RAP1GDS1: variants seen among roughly 807,000 people sequenced by gnomAD.
RAP1GDS1 encodes Rap1 GTPase-GDP dissociation stimulator 1.
Under a neutral mutation model 71.1 loss-of-function variants are expected in RAP1GDS1, and 35 were observed. The observed-to-expected ratio is 0.49, with a 90% CI of 0.38 to 0.65. RAP1GDS1 has a LOEUF of 0.65. Among genes scored for constraint, RAP1GDS1 ranks in the 30% least tolerant of loss-of-function variants. RAP1GDS1 has a pLI of 0.00. For synonymous variants in RAP1GDS1, 229 were observed against 243.1 expected (o/e 0.94, Z 0.54); for missense variants, 663 against 706.1 (o/e 0.94, Z 0.69).
chr4:98,323,336 C>A (rs1187398947), intron 2 of RAP1GDS1, among the ~76,000 whole-genome samples: 1 of 143,382 alleles, frequency 7.0e-6, no homozygotes, highest in Non-Finnish European at 1.5e-5. Context: ...CGAATTCTAC[C>A]AGAGGTACAA....
At chr4:98,385,831 T>C (rs528017114) in intron 5 of RAP1GDS1, among the ~76,000 whole-genome samples, 1 of 152,076 alleles carries the variant, frequency 6.6e-6, no homozygotes, top group South Asian at 2.1e-4. Flanking sequence ...ATATATTCTT[T>C]TGTAAAAGAA....
intron 12 of RAP1GDS1, among the ~76,000 whole-genome samples, chr4:98,430,202 G>A (rs1358345296): frequency 6.6e-6 from 1 of 152,068 alleles, no homozygotes; most frequent in African/African-American, 2.4e-5. Context: ...AGGTGGATGG[G>A]GGTGTGTGTA....
chr4:98,291,573 T>C (rs72892376), intron 1 of RAP1GDS1, among the ~76,000 whole-genome samples: 3 of 152,186 alleles, frequency 2.0e-5, no homozygotes, highest in Admixed American at 6.6e-5. Flanking sequence ...ACTGGAGATA[T>C]AAGCATATGA....
At chr4:98,282,733 T>C (rs1319721182) in intron 1 of RAP1GDS1, among the ~76,000 whole-genome samples, 1 of 152,206 alleles carries the variant, frequency 6.6e-6, no homozygotes, top group African/African-American at 2.4e-5. Context: ...TTTAGATCTT[T>C]CCTGCTTTCC....
intron 7 of RAP1GDS1, chr4:98,409,901 G>A (rs1247017930): frequency 1.8e-5 from 3 of 162,266 alleles, no homozygotes; most frequent in Non-Finnish European, 4.0e-5. Context: ...ATATCATCAT[G>A]GCCTTGAAAT....
At chr4:98,323,058 A>G (rs138901924) in intron 2 of RAP1GDS1, among the ~76,000 whole-genome samples, 8,825 of 151,974 alleles carry the variant, frequency 0.058, 364 homozygotes, top group South Asian at 0.22. Flanking sequence ...GAGAAGAATC[A>G]AGTAGACACA....
At chr4:98,279,115 T>C (rs186572884) in intron 1 of RAP1GDS1, among the ~76,000 whole-genome samples, 301 of 152,046 alleles carry the variant, frequency 2.0e-3, no homozygotes, top group African/African-American at 7.1e-3. Context: ...TCCCAGCTAC[T>C]TGGGAGGCTG....
chr4:98,394,781 C>T (rs1239209922), intron 6 of RAP1GDS1, among the ~76,000 whole-genome samples: 5 of 152,096 alleles, frequency 3.3e-5, no homozygotes, highest in Non-Finnish European at 5.9e-5. Flanking sequence ...ATAACTCTTG[C>T]TGTGTGTTTA....
intron 6 of RAP1GDS1, among the ~76,000 whole-genome samples, chr4:98,393,929 G>T (rs1744122071): frequency 6.6e-6 from 1 of 151,888 alleles, no homozygotes; most frequent in South Asian, 2.1e-4. Context: ...TATATATATG[G>T]TTCCATTTTT....
At chr4:98,428,100 T>C (rs1269585153) in intron 12 of RAP1GDS1, among the ~76,000 whole-genome samples, 2 of 151,406 alleles carry the variant, frequency 1.3e-5, no homozygotes, top group African/African-American at 2.4e-5. Flanking sequence ...AAAAACAAAA[T>C]GGGGAAAGGG....
intron 14 of RAP1GDS1, chr4:98,441,518 T>C: frequency 1.0e-6 from 1 of 983,904 alleles, no homozygotes; most frequent in Non-Finnish European, 1.2e-6. Flanking sequence ...TAACCAAACC[T>C]TGAGATCATA....
intron 2 of RAP1GDS1, among the ~76,000 whole-genome samples, chr4:98,300,646 C>T (rs1454800686): frequency 2.6e-5 from 4 of 152,164 alleles, no homozygotes. Flanking sequence ...GGTGATCCAC[C>T]TTCCTTGGCC....
chr4:98,375,913 G>T (rs552812058), intron 4 of RAP1GDS1, among the ~76,000 whole-genome samples: 3 of 152,182 alleles, frequency 2.0e-5, no homozygotes, highest in Admixed American at 6.5e-5. Flanking sequence ...CACCCTTAGT[G>T]TATAACTTGT....
intron 2 of RAP1GDS1, among the ~76,000 whole-genome samples, chr4:98,330,109 C>T (rs1733732427): frequency 6.6e-6 from 1 of 152,090 alleles, no homozygotes; most frequent in Admixed American, 6.5e-5. Context: ...GTTGACACAG[C>T]ACATGTTTCA....
intron 5 of RAP1GDS1, among the ~76,000 whole-genome samples, chr4:98,380,397 A>G (rs768104391): frequency 3.3e-5 from 5 of 151,848 alleles, no homozygotes; most frequent in Non-Finnish European, 7.4e-5. Context: ...AAGTATCTTC[A>G]GGCCTCATCC....
At chr4:98,418,813 C>A in intron 10 of RAP1GDS1, 22 bp downstream of exon 10, 1 of 1,548,662 alleles carries the variant, frequency 6.5e-7, no homozygotes, top group South Asian at 1.3e-5. Flanking sequence ...GAATAGAAGG[C>A]AGCTGTGTAC....
At chr4:98,280,460 G>GT (rs1724908172) in intron 1 of RAP1GDS1, among the ~76,000 whole-genome samples, 1 of 151,918 alleles carries the variant, frequency 6.6e-6, no homozygotes, top group Non-Finnish European at 1.5e-5. Flanking sequence ...GGGGTTGTTT[G>GT]TTTTTTTCTT....
intron 7 of RAP1GDS1, 149 bp downstream of exon 7, chr4:98,404,751 A>G (rs1009387322): frequency 1.1e-5 from 10 of 933,708 alleles, no homozygotes; most frequent in Non-Finnish European, 1.5e-5. Context: ...TAGCTATGTT[A>G]TCTACTCCAT....
intron 2 of RAP1GDS1, among the ~76,000 whole-genome samples, chr4:98,341,944 C>T (rs180720970): frequency 6.6e-6 from 1 of 152,244 alleles, no homozygotes; most frequent in Admixed American, 6.5e-5. Context: ...ATACATAATT[C>T]AAACCAAAAT....
Sources: allele counts gnomAD v4.1 joint callset (sites outside exome capture counted in the v4.1 genomes callset), GRCh38; gene constraint gnomAD v4.1.1; transcripts MANE v1.5; gene names NCBI Gene and HGNC (gene_info 2026-07-23, HGNC 2026-07-21).